CCNB2: variants seen among roughly 807,000 people sequenced by gnomAD.
The protein encoded by CCNB2 is cyclin B2.
In CCNB2, 39 loss-of-function variants were observed where a neutral mutation model predicts 51.1. That is an observed-to-expected ratio of 0.76 (90% CI 0.59 to 1.00). CCNB2 has a LOEUF of 1.00. Ranked by LOEUF, CCNB2 falls within the 50% of genes least tolerant of loss-of-function variation. CCNB2 has a pLI of 0.00. For missense variants in CCNB2, 472 were observed against 470.3 expected, an observed-to-expected ratio of 1.00 and a Z score of -0.03; for synonymous variants, 174 against 165.5, an observed-to-expected ratio of 1.05 and a Z score of -0.40.
intron 1 of CCNB2, among the ~76,000 whole-genome samples, chr15:59,107,014 A>C (rs181190872): frequency 6.6e-6 from 1 of 152,330 alleles, no homozygotes; most frequent in East Asian, 1.9e-4. Context: ...CTATATGAGA[A>C]ATAATCATTA....
intron 3 of CCNB2, among the ~76,000 whole-genome samples, chr15:59,108,198 A>T (rs1400703877): frequency 6.6e-6 from 1 of 152,164 alleles, no homozygotes; most frequent in Non-Finnish European, 1.5e-5. Flanking sequence ...GCGGATATGG[A>T]CCTATAATCA....
In CCNB2 at chr15:59,124,965, C is replaced by G. The variant is rs1296488966; in HGVS notation, c.*88C>G. On this transcript the variant is annotated 3_prime_UTR_variant, in exon 9 of 9. Transcript: ENST00000288207. The stretch of plus-strand genomic sequence containing the variant: ...TTGATTTTGTACATAGTCCTCTGGT[C>G]TATCTCATGAAACCTCTTCTCAGAC... 3 of 710,792 alleles carry G rather than the reference C, an allele frequency of 4.2e-6. No homozygotes were observed. Among genetic ancestry groups the G allele is most frequent in the Non-Finnish European group, 2.2e-6 (1 of 446,818 alleles). The allele number at this position is 710,792 out of a possible 1,614,324, so 44.0% of individuals were successfully genotyped here.
chr15:59,121,268 T>C (rs2079300865), intron 7 of CCNB2: 2 of 152,142 alleles, frequency 1.3e-5, no homozygotes, highest in South Asian at 4.1e-4. Flanking sequence ...ATGAAGGATA[T>C]ATAGAGGATC....
At position 59,124,757 on chromosome 15, in the gene CCNB2, A is replaced by G. The variant is rs769398076; in HGVS notation, c.1087-10A>G. On this transcript the variant is annotated splice_polypyrimidine_tract_variant and intron_variant, in intron 8 of 8. Transcript: ENST00000288207. ...CCTGACATGTGCTTAATCACAAATG[A>G]CTTCTGCAGGCCATCAAGAATAAGT... is the stretch of plus-strand genomic sequence containing the variant. 7 of 1,598,940 alleles carry G rather than the reference A, an allele frequency of 4.4e-6. No individual in the cohort carries two copies. The highest frequency in any genetic ancestry group is 5.1e-6 in the Non-Finnish European group (6 of 1,166,240).
chr15:59,107,413 G>C lies in CCNB2; in HGVS notation c.116G>C (p.Gly39Ala), dbSNP rs367803778. 1.9e-5 allele frequency: 31 copies of C among 1,613,734 alleles called. No individual in the cohort carries two copies. Among genetic ancestry groups the C allele is most frequent in the Non-Finnish European group, 2.5e-5 (30 of 1,180,006 alleles). The change falls in exon 2 of 9, where the codon GGA (glycine) becomes GCA (alanine). Residue 39 changes from glycine (G) to alanine (A), a missense_variant. Transcript: ENST00000288207. ...AGGCGAACTGTTTTAGAAGAAATTG[G>C]AAATAGAGTTACAACCAGAGCAGCA... Reference protein sequence around the residue: ...TIRRTVLEEIGNRVTTRAAQV... With the variant: ...TIRRTVLEEIANRVTTRAAQV...
At chr15:59,108,466 A>C (rs980861816) in intron 3 of CCNB2, among the ~76,000 whole-genome samples, 2 of 152,222 alleles carry the variant, frequency 1.3e-5, no homozygotes, top group African/African-American at 4.8e-5. Flanking sequence ...GATCTTCCCT[A>C]AGCGCCTACC....
intron 7 of CCNB2, chr15:59,121,314 GAAAT>G (rs1483197375): frequency 3.9e-5 from 6 of 152,094 alleles, no homozygotes; most frequent in Admixed American, 6.6e-5. Context: ...GGAATTTTTT[GAAAT>G]AAATAAAACA....
rs533319302 is a variant in CCNB2 at position 59,107,176 on chromosome 15, G to C, written c.25-146G>C. ...TTATTAATCACAAATAGCATTTTTA[G>C]ACTTCCTGAAATGTACCTTTTCCAT... On this transcript the variant is annotated intron_variant, in intron 1 of 8. Coordinates refer to ENST00000288207, the MANE Select transcript of CCNB2 (RefSeq NM_004701.4). 2.1e-4 allele frequency: 145 copies of C among 691,272 alleles called. 2 individuals carry two copies. The Middle Eastern group carries it at 4.6e-3, about 22-fold the overall frequency. 42.8% of individuals were successfully genotyped at this position (691,272 alleles called of 1,614,324 possible). A position where few individuals can be genotyped will look rare whatever the true frequency, so the allele number is the denominator to read the frequency against.
rs953851175 is a variant in CCNB2, at chr15:59,123,572, T to G, written c.1031T>G (p.Met344Arg). 1 of 1,613,582 alleles carries G rather than the reference T, an allele frequency of 6.2e-7. No homozygotes were observed. Among genetic ancestry groups the G allele is most frequent in the Non-Finnish European group, 8.5e-7 (1 of 1,179,702 alleles). ...ACAGAGAATGAAGTATTGGAAGTCATGCAGCACATGGCCAAGAATGTGGTG... is the reference window on the plus strand; with the variant it reads ...ACAGAGAATGAAGTATTGGAAGTCAGGCAGCACATGGCCAAGAATGTGGTG... ...GYTENEVLEV[M>R]QHMAKNVVKV... Residue 344 changes from methionine (M) to arginine (R), a missense_variant, in exon 8 of 9, where the codon ATG (methionine) becomes AGG (arginine). Met to Arg is a moderately conservative substitution (Grantham distance 91). Coordinates refer to ENST00000288207, the MANE Select transcript of CCNB2 (RefSeq NM_004701.4).
intron 5 of CCNB2, among the ~76,000 whole-genome samples, chr15:59,115,194 T>C (rs2079274059): frequency 6.6e-6 from 1 of 152,162 alleles, no homozygotes; most frequent in Non-Finnish European, 1.5e-5. Context: ...GTAGTGCCTT[T>C]GGATGCTGGT....
chr15:59,121,165 C>T (rs558695582), intron 7 of CCNB2: 4 of 152,078 alleles, frequency 2.6e-5, no homozygotes, highest in Non-Finnish European at 5.9e-5. Context: ...ATCTGCAAAT[C>T]GCTTTCAAAT....
At position 59,122,218 on chromosome 15, in the gene CCNB2, TTAAA is replaced by T. The variant is rs548311982; in HGVS notation, c.976-1294_976-1291del. Among the ~76,000 whole-genome samples, 141 of 149,412 alleles carry T rather than the reference TTAAA, an allele frequency of 9.4e-4. No individual in the cohort carries two copies. In the Middle Eastern group the frequency reaches 0.01, roughly 11 times the overall value. On this transcript the variant is annotated intron_variant, in intron 7 of 8. Coordinates refer to ENST00000288207, the MANE Select transcript of CCNB2 (RefSeq NM_004701.4). ...TTTTAGAATTTTTGTCACAGAACTC[TTAAA>T]TAAAGTCAGTTGACATATCTTTTTT...
At chr15:59,111,245 G>A (rs553586365) in intron 3 of CCNB2, among the ~76,000 whole-genome samples, 65 of 152,300 alleles carry the variant, frequency 4.3e-4, no homozygotes, top group Middle Eastern at 3.4e-3. Flanking sequence ...TGTTGCCCAG[G>A]TTGGACTCAA....
rs764812051 is a variant in CCNB2, at chr15:59,114,616, T to C, written c.438+2T>C. ...TATCAGTATCTCAGGCAGCTGGAGG[T>C]AGGTGGGCCTTTGTGTTTTGGTTGT... is the stretch of plus-strand genomic sequence containing the variant. On this transcript the variant is annotated splice_donor_variant, in intron 4 of 8. Transcript: ENST00000288207. LOFTEE classifies it high-confidence loss of function. 1 of 1,588,074 alleles carries C rather than the reference T, an allele frequency of 6.3e-7. No individual in the cohort carries two copies.
intron 1 of CCNB2, among the ~76,000 whole-genome samples, chr15:59,106,650 A>G (rs948583800): frequency 2.6e-5 from 4 of 152,238 alleles, no homozygotes; most frequent in African/African-American, 7.2e-5. Flanking sequence ...ATTTCATACA[A>G]TTCCAACCTT....
intron 1 of CCNB2, among the ~76,000 whole-genome samples, chr15:59,105,615 A>G (rs1315235376): frequency 6.6e-6 from 1 of 152,118 alleles, no homozygotes; most frequent in South Asian, 2.1e-4. Flanking sequence ...AGTGCTCTTC[A>G]TTGCTAGAGA....
chr15:59,118,831 A>T (rs1167664228), intron 7 of CCNB2, among the ~76,000 whole-genome samples: 1 of 152,242 alleles, frequency 6.6e-6, no homozygotes, highest in African/African-American at 2.4e-5. Flanking sequence ...TTGCCAGGAC[A>T]GATCAGCTGT....
In CCNB2 at chr15:59,124,951, C is replaced by T. The variant is rs1231188486; in HGVS notation, c.*74C>T. On this transcript the variant is annotated 3_prime_UTR_variant, in exon 9 of 9. Transcript: ENST00000288207. ...TTGGTTTAGAACTCTTGATTTTGTACATAGTCCTCTGGTCTATCTCATGAA... is the reference window on the plus strand; with the variant it reads ...TTGGTTTAGAACTCTTGATTTTGTATATAGTCCTCTGGTCTATCTCATGAA... The T allele has an allele frequency of 1.2e-6, 1 of 849,016 alleles. No homozygotes were observed. Among genetic ancestry groups the T allele is most frequent in the Non-Finnish European group, 1.8e-6 (1 of 555,782 alleles). The allele number at this position is 849,016 out of a possible 1,614,324, so 52.6% of individuals were successfully genotyped here.
intron 1 of CCNB2, among the ~76,000 whole-genome samples, chr15:59,105,644 C>T (rs1291177319): frequency 6.6e-6 from 1 of 152,198 alleles, no homozygotes; most frequent in Non-Finnish European, 1.5e-5. Flanking sequence ...CTTCCACGTT[C>T]CTGGGATTTC....
Sources: allele counts gnomAD v4.1 joint callset (sites outside exome capture counted in the v4.1 genomes callset), GRCh38; gene constraint gnomAD v4.1.1; transcripts MANE v1.5; gene names NCBI Gene and HGNC (gene_info 2026-07-23, HGNC 2026-07-21).